The following TAF2 variants were observed in gnomAD, a reference collection of about 807,000 sequenced individuals.
TAF2 encodes the protein transcription initiation factor TFIID subunit 2.
In TAF2, 61 loss-of-function variants were observed where a neutral mutation model predicts 138.5. The ratio of observed to expected loss-of-function variants is 0.44; its 90% confidence interval spans 0.36 to 0.54. The LOEUF is 0.54. Ranked by LOEUF, TAF2 falls within the 20% of genes least tolerant of loss-of-function variation. The pLI is 0.00. For synonymous variants in TAF2, 475 were observed against 469.9 expected (o/e 1.01, Z -0.14); for missense variants, 1,090 against 1,427.9 (o/e 0.76, Z 3.81).
Position 119,826,966 on chromosome 8 carries a change from G to T in TAF2, c.138+4711C>A, listed in dbSNP as rs371834058. Among the ~76,000 whole-genome samples the T allele has an allele frequency of 8.5e-5, 13 of 152,222 alleles. No homozygotes were observed. The East Asian group carries it at 1.5e-3, about 18-fold the overall frequency. On this transcript the variant is annotated intron_variant, in intron 2 of 25. Transcript: ENST00000378164. ...CTAGCACTTTGGAAAGCCAAAGTAGGGTGGATCGCTTGAGCCCAGGAGTTT... is the reference window on the plus strand; with the variant it reads ...CTAGCACTTTGGAAAGCCAAAGTAGTGTGGATCGCTTGAGCCCAGGAGTTT...
chr8:119,764,767 C>CATA (rs1242428317), intron 18 of TAF2, among the ~76,000 whole-genome samples: 1 of 151,976 alleles, frequency 6.6e-6, no homozygotes, highest in Non-Finnish European at 1.5e-5. Flanking sequence ...AAAAAAAAGA[C>CATA]ATAATGTATA....
rs189873518 is a variant in TAF2 at position 119,760,684 on chromosome 8, T to C, written c.2613A>G (p.Pro871=). The change falls in exon 20 of 26, where the codon CCA becomes CCG. Residue 871 remains proline (P), a synonymous_variant. Coordinates refer to ENST00000378164, the MANE Select transcript of TAF2 (RefSeq NM_003184.4). ...ATTCAGCATAAGATTTAAAAAGAGCTGGATCACTTGGCACATGTCCGTTCT... is the reference window on the plus strand; with the variant it reads ...ATTCAGCATAAGATTTAAAAAGAGCCGGATCACTTGGCACATGTCCGTTCT... ...LQKNGHVPSD[P]ALFKSYAEYG... is the part of the protein sequence containing the mutation. 12 of 1,614,036 alleles carry C rather than the reference T, an allele frequency of 7.4e-6. No individual in the cohort carries two copies. In the African/African-American group the frequency reaches 8.0e-5, roughly 11 times the overall value.
At chr8:119,793,634 G>A (rs777652710) in intron 9 of TAF2, among the ~76,000 whole-genome samples, 183 bp from the exon 10 acceptor site, 3 of 152,172 alleles carry the variant, frequency 2.0e-5, no homozygotes, top group Non-Finnish European at 2.9e-5. Context: ...CTACACAGCT[G>A]GCAGAATGAC....
At position 119,804,065 on chromosome 8, in the gene TAF2, G is replaced by C. The variant is rs775066382; in HGVS notation, c.419-46C>G. 4.4e-6 allele frequency: 7 copies of C among 1,603,182 alleles called. No homozygotes were observed. The Admixed American group carries it at 8.3e-5, about 19-fold the overall frequency. On this transcript the variant is annotated intron_variant, in intron 4 of 25. Transcript: ENST00000378164. ...CACACATTGATACATAAGTTACAGT[G>C]GTCTATATAATAAAGACAAAGATTT...
At chr8:119,813,043 A>C (rs1180521180) in intron 3 of TAF2, among the ~76,000 whole-genome samples, 1 of 152,208 alleles carries the variant, frequency 6.6e-6, no homozygotes, top group Non-Finnish European at 1.5e-5. Context: ...GTACTAATTT[A>C]CATTCTCACC....
At chr8:119,775,279 CAAA>C (rs59665180) in intron 18 of TAF2, among the ~76,000 whole-genome samples, 4 of 100,808 alleles carry the variant, frequency 4.0e-5, no homozygotes, top group Admixed American at 1.1e-4. Flanking sequence ...GATTCCATCT[CAAA>C]AAAAAAAAAA....
In TAF2 at chr8:119,801,841, A is replaced by G. The variant is rs753196390; in HGVS notation, c.745T>C (p.Leu249=). The change falls in exon 6 of 26, where the codon TTG becomes CTG. Residue 249 remains leucine, a synonymous_variant. Transcript: ENST00000378164. ...AGTATTTCAAATGGTCCAATGGCCA[A>G]GGAGATATTTGACGCTGCTGTAGGA... ...TIPTAASNIS[L]AIGPFEILVD... is the part of the protein sequence containing the mutation. 1 of 1,614,208 alleles carries G rather than the reference A, an allele frequency of 6.2e-7. No individual in the cohort carries two copies.
chr8:119,809,201 G>A (rs140598197), intron 3 of TAF2, among the ~76,000 whole-genome samples: 46 of 152,298 alleles, frequency 3.0e-4, no homozygotes, highest in African/African-American at 1.1e-3. Flanking sequence ...ATCAGCACTT[G>A]TTGCTTCACC....
chr8:119,732,236 C>T, intron 25 of TAF2, 50 bp from the exon 26 acceptor site: 1 of 1,570,282 alleles, frequency 6.4e-7, no homozygotes, highest in Non-Finnish European at 8.8e-7. Context: ...ATACGGAAAG[C>T]CAGACTAAAG....
chr8:119,752,353 G>A (rs1372537615), intron 22 of TAF2, among the ~76,000 whole-genome samples: 3 of 152,070 alleles, frequency 2.0e-5, no homozygotes, highest in Non-Finnish European at 2.9e-5. Context: ...AGATACTAGA[G>A]TACCTCCCAG....
chr8:119,776,809 C>T (rs1822279392), intron 18 of TAF2, among the ~76,000 whole-genome samples: 1 of 152,176 alleles, frequency 6.6e-6, no homozygotes, highest in Non-Finnish European at 1.5e-5. Context: ...GAAAATCCTA[C>T]TCATCTTTAT....
chr8:119,772,617 A>T (rs1821925006), intron 18 of TAF2, among the ~76,000 whole-genome samples: 1 of 152,118 alleles, frequency 6.6e-6, no homozygotes, highest in Non-Finnish European at 1.5e-5. Context: ...AATTTTTAAA[A>T]GATACACAAT....
At chr8:119,749,382 T>C (rs1296689571) in intron 22 of TAF2, among the ~76,000 whole-genome samples, 1 of 152,120 alleles carries the variant, frequency 6.6e-6, no homozygotes, top group Non-Finnish European at 1.5e-5. Flanking sequence ...AACTTACATA[T>C]TAAAATTGGA....
chr8:119,799,061 A>G (rs1453111506), intron 6 of TAF2, among the ~76,000 whole-genome samples: 2 of 152,184 alleles, frequency 1.3e-5, no homozygotes. Context: ...CTTGACTATC[A>G]TTTGCCTTGT....
intron 22 of TAF2, among the ~76,000 whole-genome samples, chr8:119,752,055 A>AG (rs1391457722): frequency 3.9e-5 from 6 of 152,148 alleles, no homozygotes; most frequent in African/African-American, 1.4e-4. Flanking sequence ...AAAATGATTG[A>AG]GAAAACAACC....
intron 18 of TAF2, among the ~76,000 whole-genome samples, chr8:119,771,598 G>GAA (rs1821844329): frequency 6.6e-6 from 1 of 152,134 alleles, no homozygotes; most frequent in South Asian, 2.1e-4. Context: ...AAGAAAGAAA[G>GAA]AAGCAAAATG....
intron 18 of TAF2, among the ~76,000 whole-genome samples, chr8:119,765,385 G>A (rs1821351361): frequency 6.6e-6 from 1 of 152,146 alleles, no homozygotes; most frequent in Admixed American, 6.5e-5. Flanking sequence ...ATCCTATCAG[G>A]AGGATACGCT....
intron 2 of TAF2, among the ~76,000 whole-genome samples, chr8:119,825,597 G>T (rs1464683024): frequency 4.6e-5 from 7 of 152,184 alleles, no homozygotes; most frequent in African/African-American, 1.4e-4. Flanking sequence ...TTGTGGGAGG[G>T]ACCCAGTGGG....
Position 119,766,139 on chromosome 8 carries a change from C to G in TAF2, c.2365-3531G>C, listed in dbSNP as rs138741704. ...ATTCATTTTTACAACTTTATCTCAG[C>G]TAACCTACTTAGCGATTTAGGAATC... On this transcript the variant is annotated intron_variant, in intron 18 of 25. Coordinates refer to ENST00000378164, the MANE Select transcript of TAF2 (RefSeq NM_003184.4). 2.3e-3 allele frequency among the ~76,000 whole-genome samples: 354 copies of G among 152,294 alleles called. 1 individual carries two copies. Among genetic ancestry groups the G allele is most frequent in the African/African-American group, 8.1e-3 (338 of 41,562 alleles).
Sources: gnomAD v4.1 joint callset for allele counts (sites outside exome capture counted in the v4.1 genomes callset) on GRCh38, gnomAD v4.1.1 for gene constraint, MANE v1.5 for transcripts, NCBI Gene and HGNC (gene_info 2026-07-23, HGNC 2026-07-21) for gene names.